Variants in GPC5 observed in about 807,000 individuals in gnomAD.
GPC5 encodes the protein glypican 5.
GPC5 carries 47 observed loss-of-function variants against 53.9 expected under a neutral mutation model. The ratio of observed to expected loss-of-function variants is 0.87; its 90% CI spans 0.69 to 1.11. The LOEUF (loss-of-function observed/expected upper bound fraction) is 1.11. Ranked by LOEUF, GPC5 falls within the 50% of genes most tolerant of loss-of-function variation. GPC5 has a pLI of 0.00. For missense variants in GPC5, 748 were observed against 713.1 expected (o/e 1.05, Z -0.56); for synonymous variants, 286 against 263.3 (o/e 1.09, Z -0.84).
intron 6 of GPC5, among the ~76,000 whole-genome samples, chr13:91,936,194 C>G (rs961496085): frequency 2.0e-5 from 3 of 152,018 alleles, no homozygotes; most frequent in African/African-American, 4.8e-5. Context: ...TCTCACCAAA[C>G]CAACCAATAA....
rs148757996 is a variant in GPC5, at chr13:91,976,745, T to G, written c.1401+68688T>G. The stretch of plus-strand genomic sequence containing the variant: ...TAAGACAAATGTAAGTTTCAGGCTT[T>G]AAGACAAACAGAGGCCGAGCGCGGT... On this transcript the variant is annotated intron_variant, in intron 6 of 7. Coordinates refer to ENST00000377067, the MANE Select transcript of GPC5 (RefSeq NM_004466.6). Among the ~76,000 whole-genome samples, 749 of 152,242 alleles carry G rather than the reference T, an allele frequency of 4.9e-3. 4 individuals are homozygous for G. The highest frequency in any genetic ancestry group is 0.017 in the African/African-American group (709 of 41,548).
At chr13:91,812,645 A>G (rs576822097) in intron 5 of GPC5, among the ~76,000 whole-genome samples, 6 of 152,164 alleles carry the variant, frequency 3.9e-5, no homozygotes, top group Middle Eastern at 3.2e-3. Flanking sequence ...TGTTTGGTAT[A>G]TTCTTCAGTA....
chr13:92,061,008 T>G (rs975367335), intron 6 of GPC5, among the ~76,000 whole-genome samples: 2 of 151,996 alleles, frequency 1.3e-5, no homozygotes, highest in African/African-American at 2.4e-5. Flanking sequence ...TGCAAAACAT[T>G]AAAGACACAT....
chr13:91,506,349 C>T (rs1217862264), intron 2 of GPC5, among the ~76,000 whole-genome samples: 4 of 152,050 alleles, frequency 2.6e-5, no homozygotes, highest in Admixed American at 6.6e-5. Context: ...AGTTTCATCG[C>T]CTTTATTGAA....
At chr13:92,558,494 T>C (rs1481743596) in intron 7 of GPC5, among the ~76,000 whole-genome samples, 1 of 152,066 alleles carries the variant, frequency 6.6e-6, no homozygotes, top group Non-Finnish European at 1.5e-5. Context: ...GTCAAAATGA[T>C]ATAAGGGTTT....
At chr13:91,704,080 A>C (rs1297156773) in intron 3 of GPC5, among the ~76,000 whole-genome samples, 2 of 152,114 alleles carry the variant, frequency 1.3e-5, no homozygotes, top group Non-Finnish European at 2.9e-5. Flanking sequence ...TTGAAAGTAG[A>C]GTATTGAAGT....
chr13:91,790,393 T>C (rs2138745614), intron 5 of GPC5, among the ~76,000 whole-genome samples: 1 of 152,350 alleles, frequency 6.6e-6, no homozygotes, highest in South Asian at 2.1e-4. Context: ...TATTCAACTT[T>C]TTCATGCATT....
At chr13:92,481,202 G>C (rs1427845071) in intron 7 of GPC5, among the ~76,000 whole-genome samples, 2 of 151,776 alleles carry the variant, frequency 1.3e-5, no homozygotes, top group Non-Finnish European at 2.9e-5. Context: ...CCAGGTTCAC[G>C]CCATTCTCCT....
At chr13:92,406,213 T>C (rs1389214063) in intron 7 of GPC5, among the ~76,000 whole-genome samples, 1 of 152,176 alleles carries the variant, frequency 6.6e-6, no homozygotes. Context: ...TTATTGTATA[T>C]AATTAAGATG....
chr13:92,133,629 C>T (rs990493687), intron 6 of GPC5, among the ~76,000 whole-genome samples: 4 of 152,172 alleles, frequency 2.6e-5, no homozygotes, highest in Non-Finnish European at 5.9e-5. Flanking sequence ...CCCTCCCTCT[C>T]TCCCTTCTAT....
chr13:92,475,231 C>G (rs1453296322), intron 7 of GPC5, among the ~76,000 whole-genome samples: 45 of 149,426 alleles, frequency 3.0e-4, no homozygotes, highest in Non-Finnish European at 6.7e-4. Context: ...TTTTCCAATT[C>G]TGTGAAGAAA....
At chr13:91,753,949 T>C (rs1438539319) in intron 4 of GPC5, among the ~76,000 whole-genome samples, 5 of 152,194 alleles carry the variant, frequency 3.3e-5, no homozygotes, top group African/African-American at 1.2e-4. Context: ...TGCTTACCTG[T>C]GAATCCTTAG....
At chr13:92,043,652 G>A (rs967060200) in intron 6 of GPC5, among the ~76,000 whole-genome samples, 3 of 152,160 alleles carry the variant, frequency 2.0e-5, no homozygotes, top group Non-Finnish European at 2.9e-5. Flanking sequence ...GTTATTGGTC[G>A]TGACAAGATC....
intron 2 of GPC5, among the ~76,000 whole-genome samples, chr13:91,608,000 A>G (rs1488012605): frequency 2.6e-5 from 4 of 152,222 alleles, no homozygotes; most frequent in Non-Finnish European, 5.9e-5. Flanking sequence ...ATCCTCAAAT[A>G]ATATATTTAT....
At chr13:92,691,291 T>C (rs537007153) in intron 7 of GPC5, among the ~76,000 whole-genome samples, 1 of 129,288 alleles carries the variant, frequency 7.7e-6, no homozygotes, top group East Asian at 2.8e-4. Flanking sequence ...TAAGCCGGTC[T>C]GAAAAGCGCA....
chr13:92,068,582 CTTA>C (rs2041185170), intron 6 of GPC5, among the ~76,000 whole-genome samples: 1 of 151,346 alleles, frequency 6.6e-6, no homozygotes, highest in South Asian at 2.1e-4. Flanking sequence ...TCCATATTTC[CTTA>C]TTAATTATAA....
At chr13:92,478,676 A>C (rs1395987902) in intron 7 of GPC5, among the ~76,000 whole-genome samples, 1 of 152,132 alleles carries the variant, frequency 6.6e-6, no homozygotes, top group East Asian at 1.9e-4. Flanking sequence ...ATCAGATTGA[A>C]TTTGGGGGGA....
chr13:91,780,333 A>G (rs1439307027), intron 5 of GPC5, among the ~76,000 whole-genome samples: 3 of 152,004 alleles, frequency 2.0e-5, no homozygotes, highest in Admixed American at 6.6e-5. Context: ...AAGATATCCT[A>G]TTTCTCATTT....
chr13:91,529,544 TA>T (rs1886241651), intron 2 of GPC5, among the ~76,000 whole-genome samples: 1 of 152,228 alleles, frequency 6.6e-6, no homozygotes, highest in Non-Finnish European at 1.5e-5. Flanking sequence ...TATGGGTGTT[TA>T]AGGAAAAATC....
Sources: allele counts gnomAD v4.1 joint callset (sites outside exome capture counted in the v4.1 genomes callset), GRCh38; gene constraint gnomAD v4.1.1; transcripts MANE v1.5; gene names NCBI Gene and HGNC (gene_info 2026-07-23, HGNC 2026-07-21).